The following ADGRE3 variants were observed in gnomAD, a reference collection of about 807,000 sequenced individuals.
ADGRE3 encodes the protein EGF-like module receptor 3.
In ADGRE3, 88 loss-of-function variants were observed where a neutral mutation model predicts 80.1. That is an observed-to-expected ratio of 1.10 (90% confidence interval 0.93 to 1.31). The LOEUF is 1.31. Among genes scored for constraint, ADGRE3 ranks in the 40% most tolerant of loss-of-function variants. The probability of loss-of-function intolerance (pLI) is 0.00; values close to 1 mark genes in which losing one functional copy is unlikely to be tolerated. For missense variants in ADGRE3, 715 were observed against 776.5 expected, an observed-to-expected ratio of 0.92 and a Z score of 0.94; for synonymous variants, 281 against 294.8, an observed-to-expected ratio of 0.95 and a Z score of 0.48.
chr19:14,610,953 T>C, the ADGRE3 span: 2 of 151,954 alleles, frequency 1.3e-5, no homozygotes, highest in Non-Finnish European at 2.9e-5. Flanking sequence ...TGTGTCACCG[T>C]ACCTGGCCGA....
intron 7 of ADGRE3, among the ~76,000 whole-genome samples, chr19:14,650,641 C>T (rs112431209): frequency 0.038 from 643 of 16,966 alleles, 20 homozygotes; most frequent in South Asian, 0.077. Context: ...CTCTCTCTCT[C>T]TCTCTCTCTC....
In ADGRE3 at chr19:14,636,057, C is replaced by CTTCCTTCCTTCCT. The variant is rs1555755759; in HGVS notation, c.1484+2047_1484+2048insAGGAAGGAAGGAA. On this transcript the variant is annotated intron_variant, in intron 11 of 15. Coordinates refer to ENST00000253673, the MANE Select transcript of ADGRE3 (RefSeq NM_032571.5). Reference sequence around the variant, plus strand: ...CCTTCCTTCCTTCCTTCCTTCCTTCCTTCCTTTCCTTTCCTTTCCTTTCCC... The same window carrying CTTCCTTCCTTCCT: ...CCTTCCTTCCTTCCTTCCTTCCTTCCTTCCTTCCTTCCTTTCCTTTCCTTTCCTTTCCTTTCCC... 1.2e-3 allele frequency among the ~76,000 whole-genome samples: 79 copies of CTTCCTTCCTTCCT among 63,678 alleles called. 1 individual carries two copies. Among genetic ancestry groups the CTTCCTTCCTTCCT allele is most frequent in the South Asian group, 2.6e-3 (4 of 1,548 alleles). 41.8% of individuals were successfully genotyped at this position (63,678 alleles called of 152,430 possible). A position where few individuals can be genotyped will look rare whatever the true frequency, so the allele number is the denominator to read the frequency against.
chr19:14,628,764 G>T, intron 14 of ADGRE3: 1 of 320,946 alleles, frequency 3.1e-6, no homozygotes. Flanking sequence ...AAGGAAGGCT[G>T]TGTGATCCTG....
Position 14,655,099 on chromosome 19 carries a change from T to G in ADGRE3, c.460A>C (p.Arg154=), listed in dbSNP as rs765183595. Reference sequence around the variant, plus strand: ...GTAGCTGTGGATGAGATTTCTTGTCTCCCTTCTGTTCTCCATAAAGTCTGA... The same window carrying G: ...GTAGCTGTGGATGAGATTTCTTGTCGCCCTTCTGTTCTCCATAAAGTCTGA... The part of the protein sequence containing the change: ...TNQTLWRTEG[R]QEISSTATTI... The change falls in exon 6 of 16, where the codon AGA becomes CGA. Residue 154 remains arginine, a synonymous_variant. Transcript: ENST00000253673. The G allele has an allele frequency of 1.3e-4, 210 of 1,614,040 alleles. 2 individuals are homozygous for G. Among genetic ancestry groups the G allele is most frequent in the Middle Eastern group, 6.6e-4 (4 of 6,084 alleles).
chr19:14,652,622 A>G (rs1971637966), intron 6 of ADGRE3, among the ~76,000 whole-genome samples: 1 of 151,730 alleles, frequency 6.6e-6, no homozygotes, highest in Non-Finnish European at 1.5e-5. Context: ...CTACTAATAC[A>G]CAAAAATTAG....
intron 3 of ADGRE3, among the ~76,000 whole-genome samples, chr19:14,662,979 A>G (rs1321934310): frequency 6.6e-6 from 1 of 150,410 alleles, no homozygotes; most frequent in African/African-American, 2.4e-5. Context: ...GAGAGGCTTG[A>G]TCCCAGGAGT....
intron 9 of ADGRE3, among the ~76,000 whole-genome samples, chr19:14,643,668 A>G (rs1179259971): frequency 6.6e-6 from 1 of 151,670 alleles, no homozygotes; most frequent in Non-Finnish European, 1.5e-5. Flanking sequence ...GGAAGCTTGC[A>G]CCAGGTTTCT....
At chr19:14,649,915 CCCATCTCTCTCTTT>C (rs1424368441) in intron 7 of ADGRE3, among the ~76,000 whole-genome samples, 1 of 4,562 alleles carries the variant, frequency 2.2e-4, no homozygotes, top group African/African-American at 1.7e-3. Context: ...TCTCTCCCTC[CCCATCTCTCTCTTT>C]CCATCTCTCT....
chr19:14,620,548 T>TATATATATATATTATATATA, intron 15 of ADGRE3, among the ~76,000 whole-genome samples: 1 of 24,980 alleles, frequency 4.0e-5, no homozygotes, highest in African/African-American at 2.1e-4. Flanking sequence ...TATATATATA[T>TATATATATATATTATATATA]TATATATATA....
At chr19:14,617,369 T>TCTTC (rs2075086175), downstream of ADGRE3, among the ~76,000 whole-genome samples, 1 of 128,504 alleles carries the variant, frequency 7.8e-6, no homozygotes, top group African/African-American at 3.0e-5. Flanking sequence ...TTTCTTTCTT[T>TCTTC]CTTTCTTCCT....
chr19:14,650,702 C>A (rs561105968), intron 7 of ADGRE3, among the ~76,000 whole-genome samples: 33 of 149,258 alleles, frequency 2.2e-4, no homozygotes, highest in African/African-American at 6.9e-4. Flanking sequence ...CCACACCCCC[C>A]CACACCCTAC....
In ADGRE3 at chr19:14,655,160, T is replaced by C. The variant is rs779895959; in HGVS notation, c.399A>G (p.Gln133=). The C allele has an allele frequency of 6.2e-7, 1 of 1,608,402 alleles. No individual in the cohort carries two copies. Among genetic ancestry groups the C allele is most frequent in the Non-Finnish European group, 8.5e-7 (1 of 1,178,426 alleles). Residue 133 remains glutamine, a synonymous_variant, in exon 6 of 16, where the codon CAA becomes CAG. Coordinates refer to ENST00000253673, the MANE Select transcript of ADGRE3 (RefSeq NM_032571.5). ...GTGACTCAAATTTGTCCACAATCTT[T>C]TGCAGCTTTGAAGACATAAAGAATT... ...SKTTEGRKEL[Q]KIVDKFESLL...
At chr19:14,601,644 G>A in the ADGRE3 span, among the ~76,000 whole-genome samples, 9 of 151,828 alleles carry the variant, frequency 5.9e-5, no homozygotes, top group African/African-American at 2.2e-4. Flanking sequence ...TCAGGGACAA[G>A]GTCTCACTCT....
intron 10 of ADGRE3, 73 bp downstream of exon 10, chr19:14,641,346 C>G (rs780658436): frequency 1.3e-6 from 2 of 1,568,656 alleles, no homozygotes; most frequent in Non-Finnish European, 1.8e-6. Flanking sequence ...ATTAAGGAAT[C>G]TAGTGCAGCA....
At chr19:14,664,613 G>GCGGGAGGATTGCTTGAGCC (rs1159518103) in intron 2 of ADGRE3, among the ~76,000 whole-genome samples, 17 of 152,172 alleles carry the variant, frequency 1.1e-4, no homozygotes, top group African/African-American at 4.1e-4. Flanking sequence ...GGAGGCTGAA[G>GCGGGAGGATTGCTTGAGCC]CGGGAGGATT....
At chr19:14,639,894 G>A (rs985602438) in intron 10 of ADGRE3, among the ~76,000 whole-genome samples, 14 of 152,092 alleles carry the variant, frequency 9.2e-5, no homozygotes, top group Admixed American at 2.0e-4. Flanking sequence ...TATTGTTATT[G>A]ACTATAGTCA....
In ADGRE3 at chr19:14,655,093, C is replaced by G; in HGVS notation, c.466G>C (p.Glu156Gln). 2.5e-6 allele frequency: 4 copies of G among 1,614,110 alleles called. No homozygotes were observed. Among genetic ancestry groups the G allele is most frequent in the Non-Finnish European group, 2.5e-6 (3 of 1,180,002 alleles). Residue 156 changes from glutamate (E) to glutamine (Q), a missense_variant, in exon 6 of 16, where the codon GAA becomes CAA. Physicochemically the swap from Glu to Gln is conservative, Grantham distance 29. Coordinates refer to ENST00000253673, the MANE Select transcript of ADGRE3 (RefSeq NM_032571.5). The stretch of plus-strand genomic sequence containing the variant: ...ATAGTGGTAGCTGTGGATGAGATTT[C>G]TTGTCTCCCTTCTGTTCTCCATAAA... ...QTLWRTEGRQ[E>Q]ISSTATTILR...
At chr19:14,644,478 A>C (rs1971346689) in intron 8 of ADGRE3, among the ~76,000 whole-genome samples, 1 of 151,908 alleles carries the variant, frequency 6.6e-6, no homozygotes, top group Non-Finnish European at 1.5e-5. Flanking sequence ...GCAGTACCAC[A>C]CCAGGCTAAT....
chr19:14,620,438 GTATATTCATGTATATATGAATATATGAA>G (rs1970516726), intron 15 of ADGRE3, among the ~76,000 whole-genome samples: 1 of 124,004 alleles, frequency 8.1e-6, no homozygotes, highest in Non-Finnish European at 1.7e-5. Flanking sequence ...GAATATATAT[GTATATTCATGTATATATGAATATATGAA>G]TATATTATGA....
Sources: gnomAD v4.1 joint callset for allele counts (sites outside exome capture counted in the v4.1 genomes callset) on GRCh38, gnomAD v4.1.1 for gene constraint, MANE v1.5 for transcripts, NCBI Gene and HGNC (gene_info 2026-07-23, HGNC 2026-07-21) for gene names.